Variants in RIPOR2 observed in about 807,000 individuals in gnomAD.
RIPOR2 encodes the protein rho family-interacting cell polarization regulator 2.
A neutral mutation model predicts 114.5 loss-of-function variants in RIPOR2; 39 were observed. The ratio of observed to expected loss-of-function variants is 0.34; its 90% CI spans 0.26 to 0.44. The LOEUF is 0.44. Among genes scored for constraint, RIPOR2 ranks in the 20% least tolerant of loss-of-function variants. The pLI is 1.00. For synonymous variants in RIPOR2, 445 were observed against 484.4 expected (o/e 0.92, Z 1.07); for missense variants, 1,007 against 1,255.1 (o/e 0.80, Z 2.99).
chr6:24,830,261 T>C (rs1341347015), intron 17 of RIPOR2, among the ~76,000 whole-genome samples: 1 of 152,192 alleles, frequency 6.6e-6, no homozygotes, highest in African/African-American at 2.4e-5. Flanking sequence ...CCACTGCGCC[T>C]GGCCAAAATG....
intron 7 of RIPOR2, among the ~76,000 whole-genome samples, chr6:24,861,866 T>C (rs552423767): frequency 5.4e-4 from 82 of 152,320 alleles, no homozygotes; most frequent in African/African-American, 1.8e-3. Context: ...AGGCATATGG[T>C]GTTCAATGTA....
At chr6:24,850,028 C>A in intron 10 of RIPOR2, 78 bp from the exon 11 acceptor site, 4 of 1,251,784 alleles carry the variant, frequency 3.2e-6, no homozygotes, top group Non-Finnish European at 4.5e-6. Flanking sequence ...ATTTTTTTTA[C>A]TGAGCTAGGT....
chr6:24,990,852 C>A (rs769683312), intron 1 of RIPOR2, among the ~76,000 whole-genome samples: 1 of 152,140 alleles, frequency 6.6e-6, no homozygotes, highest in Non-Finnish European at 1.5e-5. Context: ...TAAATATACA[C>A]GAGGCACTTG....
chr6:24,894,014 G>A (rs1191048461), intron 1 of RIPOR2, among the ~76,000 whole-genome samples: 1 of 152,140 alleles, frequency 6.6e-6, no homozygotes, highest in African/African-American at 2.4e-5. Flanking sequence ...AACTGCCAGA[G>A]GACTTCTCCA....
At chr6:24,829,531 GCAGGAGAATCTCCTGAGCC>G (rs1392034903) in intron 17 of RIPOR2, among the ~76,000 whole-genome samples, 1 of 152,036 alleles carries the variant, frequency 6.6e-6, no homozygotes, top group Non-Finnish European at 1.5e-5. Context: ...AGGGGAAGAG[GCAGGAGAATCTCCTGAGCC>G]CAGGAGATTG....
Position 24,849,721 on chromosome 6 carries a change from G to A in RIPOR2, c.1034+81C>T. 8.8e-6 allele frequency: 11 copies of A among 1,248,064 alleles called. No homozygotes were observed. In the South Asian group the frequency reaches 1.5e-4, roughly 17 times the overall value. 77.3% of individuals were successfully genotyped at this position (1,248,064 alleles called of 1,614,324 possible). On this transcript the variant is annotated intron_variant, in intron 11 of 21. Coordinates refer to ENST00000643898, the MANE Select transcript of RIPOR2 (RefSeq NM_001286445.3). ...TCATAACAAGCTCCCTGGTGATGCG[G>A]ATGGTCCATGCACCAGCTTTGAGTA...
chr6:24,875,634 A>G, intron 2 of RIPOR2, 57 bp downstream of exon 2: 1 of 1,560,524 alleles, frequency 6.4e-7, no homozygotes, highest in Admixed American at 1.9e-5. Context: ...TCTTCACAAC[A>G]TCAAAGTTCA....
chr6:24,834,461 C>A (rs1760944722), intron 15 of RIPOR2, among the ~76,000 whole-genome samples: 1 of 152,062 alleles, frequency 6.6e-6, no homozygotes, highest in South Asian at 2.1e-4. Flanking sequence ...TTGGCTGATC[C>A]CCTTGACACT....
rs114604364 is a variant in RIPOR2 at position 24,996,786 on chromosome 6, A to G, written c.76+45065T>C. Among the ~76,000 whole-genome samples, 1,515 of 152,272 alleles carry G rather than the reference A, an allele frequency of 9.9e-3. 28 individuals are homozygous for G. The highest frequency in any genetic ancestry group is 0.034 in the African/African-American group (1,414 of 41,546). On this transcript the variant is annotated intron_variant, in intron 1 of 13. Transcript: ENST00000510784. ...ACTCAGGCACTTTATACAGGCTTCT[A>G]TTATAGCACTTACTGTATTGTTCAT...
intron 8 of RIPOR2, among the ~76,000 whole-genome samples, chr6:24,857,893 A>G (rs1763640660): frequency 6.6e-6 from 1 of 152,154 alleles, no homozygotes; most frequent in South Asian, 2.1e-4. Context: ...GCATTCATGG[A>G]TTTTTATAGT....
intron 1 of RIPOR2, among the ~76,000 whole-genome samples, chr6:24,990,638 C>T (rs1365530614): frequency 6.6e-6 from 1 of 152,146 alleles, no homozygotes; most frequent in Non-Finnish European, 1.5e-5. Context: ...AATGAGAGGA[C>T]TGAATACTCA....
chr6:24,977,931 A>T (rs963686061), intron 1 of RIPOR2, among the ~76,000 whole-genome samples: 2 of 152,160 alleles, frequency 1.3e-5, no homozygotes, highest in East Asian at 1.9e-4. Flanking sequence ...AACTCCACGG[A>T]TATAGGGATA....
intron 1 of RIPOR2, among the ~76,000 whole-genome samples, chr6:24,910,071 A>C (rs563451413): frequency 6.6e-6 from 1 of 152,226 alleles, no homozygotes; most frequent in South Asian, 2.1e-4. Context: ...AGGGAGCTAG[A>C]AGGTTATCGT....
At position 24,888,481 on chromosome 6, in the gene RIPOR2, C is replaced by T. The variant is rs982926592; in HGVS notation, c.62-12664G>A. 1.2e-4 allele frequency among the ~76,000 whole-genome samples: 18 copies of T among 152,292 alleles called. 1 individual carries two copies. Among genetic ancestry groups the T allele is most frequent in the Middle Eastern group, 6.8e-3 (2 of 294 alleles). Reference sequence around the variant, plus strand: ...ATAAGCTAATATTTTTTATTGTTCTCATTACAACCAAGCTACATCTTTGGA... The same window carrying T: ...ATAAGCTAATATTTTTTATTGTTCTTATTACAACCAAGCTACATCTTTGGA... On this transcript the variant is annotated intron_variant, in intron 1 of 21. Transcript: ENST00000643898.
chr6:24,890,818 C>T (rs913628148), intron 1 of RIPOR2, among the ~76,000 whole-genome samples: 10 of 145,588 alleles, frequency 6.9e-5, no homozygotes, highest in Admixed American at 4.9e-4. Context: ...CCACTCCCAG[C>T]GAATTTTTAA....
intron 21 of RIPOR2, 109 bp downstream of exon 21, chr6:24,809,608 C>G: frequency 1.4e-6 from 1 of 736,432 alleles, no homozygotes; most frequent in South Asian, 1.6e-5. Flanking sequence ...AACTGCTAAA[C>G]AGGGTACATG....
chr6:24,828,274 T>C lies in RIPOR2; in HGVS notation c.2528A>G (p.Gln843Arg). 1 of 1,548,670 alleles carries C rather than the reference T, an allele frequency of 6.5e-7. No homozygotes were observed. The highest frequency in any genetic ancestry group is 2.5e-5 in the East Asian group (1 of 40,762). The change falls in exon 18 of 22, where the codon CAA (glutamine) becomes CGA (arginine). Residue 843 changes from glutamine to arginine, a missense_variant. Transcript: ENST00000643898. ...CAGAGGCTCAGCCCGGTCCAGAATT[T>C]GGGACACCAGGGTTCGAAACACTAT... ...ADPVFRTLVSQILDRAEPLLS... is the reference protein window; with the variant it reads ...ADPVFRTLVSRILDRAEPLLS...
rs968251971 is a variant in RIPOR2, at chr6:24,806,412, G to A, written c.3105C>T (p.Val1035=). Residue 1035 remains valine (V), a synonymous_variant, in exon 22 of 22, where the codon GTC becomes GTT. Coordinates refer to ENST00000643898, the MANE Select transcript of RIPOR2 (RefSeq NM_001286445.3). ...CAACTTCAGTTCCATGACGACCTCC[G>A]ACTTTAACACAGTCTCGAGGAAATT... ...LDKFPRDCVK[V]GGRHGTEVAT... The A allele has an allele frequency of 5.8e-6, 9 of 1,551,352 alleles. No homozygotes were observed. The highest frequency in any genetic ancestry group is 2.4e-5 in the South Asian group (2 of 84,008).
chr6:24,945,000 G>T (rs1050754841), intron 1 of RIPOR2, among the ~76,000 whole-genome samples: 2 of 151,522 alleles, frequency 1.3e-5, no homozygotes, highest in Non-Finnish European at 3.0e-5. Context: ...CAAAATAGCT[G>T]AAAAGAAGAA....
Sources: gnomAD v4.1 joint callset for allele counts (sites outside exome capture counted in the v4.1 genomes callset) on GRCh38, gnomAD v4.1.1 for gene constraint, MANE v1.5 for transcripts, NCBI Gene and HGNC (gene_info 2026-07-23, HGNC 2026-07-21) for gene names.